The following ZNF18 variants were observed in gnomAD, a reference collection of about 807,000 sequenced individuals.
ZNF18 encodes the protein zinc finger protein 18.
A neutral mutation model predicts 58.1 loss-of-function variants in ZNF18; 42 were observed. The observed-to-expected ratio is 0.72, with a 90% confidence interval of 0.56 to 0.93. The LOEUF is 0.93. ZNF18 is among the 40% of genes least tolerant of loss of function. The pLI is 0.00. For synonymous variants in ZNF18, 231 were observed against 239.8 expected (o/e 0.96, Z 0.34); for missense variants, 540 against 644.2 (o/e 0.84, Z 1.75).
the ZNF18 span, among the ~76,000 whole-genome samples, chr17:12,019,024 G>A: frequency 3.3e-5 from 5 of 151,448 alleles, no homozygotes; most frequent in African/African-American, 4.9e-5. Context: ...GCACAATCTC[G>A]GCTCACTGCA....
chr17:11,985,608 T>C (rs899726925), intron 4 of ZNF18, among the ~76,000 whole-genome samples: 2 of 152,230 alleles, frequency 1.3e-5, no homozygotes, highest in Non-Finnish European at 2.9e-5. Flanking sequence ...TGATTAACTG[T>C]TGCCTCTACT....
chr17:11,988,147 CA>C (rs148960817), intron 4 of ZNF18, among the ~76,000 whole-genome samples: 1,551 of 152,202 alleles, frequency 0.01, 29 homozygotes, highest in African/African-American at 0.036. Flanking sequence ...CTTTTATGTA[CA>C]AGCAAAAATG....
intron 6 of ZNF18, among the ~76,000 whole-genome samples, chr17:11,980,524 G>A (rs1045217416): frequency 6.6e-6 from 1 of 151,962 alleles, no homozygotes; most frequent in Non-Finnish European, 1.5e-5. Context: ...AGGTTCAAGC[G>A]ATTCTCCTGC....
intron 1 of ZNF18, among the ~76,000 whole-genome samples, chr17:11,993,955 C>G (rs1325882142): frequency 2.0e-5 from 3 of 149,582 alleles, no homozygotes; most frequent in African/African-American, 4.9e-5. Flanking sequence ...ACAACTAAGA[C>G]AGTAGAAAGA....
intron 6 of ZNF18, among the ~76,000 whole-genome samples, chr17:11,981,530 CTTTTT>C (rs34496641): frequency 1.4e-4 from 13 of 93,466 alleles, no homozygotes; most frequent in Admixed American, 2.4e-4. Context: ...CCTATAATAG[CTTTTT>C]TTTTTTTTTT....
At chr17:12,011,489 G>A in the ZNF18 span, among the ~76,000 whole-genome samples, 3 of 151,580 alleles carry the variant, frequency 2.0e-5, no homozygotes, top group Non-Finnish European at 2.9e-5. Flanking sequence ...GGGTTCAAGC[G>A]ATTCTCTTGC....
upstream of ZNF18, among the ~76,000 whole-genome samples, chr17:12,000,048 G>A (rs1968629145): frequency 6.6e-6 from 1 of 152,146 alleles, no homozygotes; most frequent in Admixed American, 6.5e-5. Context: ...AGCCTCCTGA[G>A]TAGCTGGGAT....
At chr17:11,979,263 T>A (rs1446671834) in intron 6 of ZNF18, among the ~76,000 whole-genome samples, 3 of 152,236 alleles carry the variant, frequency 2.0e-5, no homozygotes, top group African/African-American at 7.2e-5. Flanking sequence ...TGTATGCAGG[T>A]ATATGCTATT....
chr17:11,982,079 TC>T (rs1428416039), intron 6 of ZNF18, among the ~76,000 whole-genome samples: 1 of 151,672 alleles, frequency 6.6e-6, no homozygotes, highest in Non-Finnish European at 1.5e-5. Flanking sequence ...GCCTCTCCTC[TC>T]CCCAACCCCC....
At chr17:12,001,100 T>C (rs1968648071), upstream of ZNF18, among the ~76,000 whole-genome samples, 1 of 152,132 alleles carries the variant, frequency 6.6e-6, no homozygotes, top group Non-Finnish European at 1.5e-5. Context: ...GATTTTTGAA[T>C]AACAAGGCTT....
At chr17:11,990,591 CCTTAACCA>C in intron 3 of ZNF18, 41 bp from the exon 4 acceptor site, 1 of 1,523,998 alleles carries the variant, frequency 6.6e-7, no homozygotes, top group South Asian at 1.2e-5. Context: ...TGGATGTCTT[CCTTAACCA>C]CTCCCCAGAG....
At chr17:12,002,536 T>C in the ZNF18 span, 2 of 151,658 alleles carry the variant, frequency 1.3e-5, no homozygotes, top group African/African-American at 4.9e-5. Context: ...AGATCCAGAG[T>C]GTGTAAGAGC....
At position 11,992,446 on chromosome 17, in the gene ZNF18, T is replaced by C. The variant is rs370788159; in HGVS notation, c.384A>G (p.Gln128=). ...GATCATAATACCCTCTGCTTACCCA[T>C]TGCCACAGTCTCTGGGGGTCCCCCT... ...SLKGDPQRLW[Q]WISIQVLGQD... The change falls in exon 2 of 7, where the codon CAA becomes CAG. Residue 128 remains glutamine, a synonymous_variant. Transcript: ENST00000580306. 55 of 1,613,306 alleles carry C rather than the reference T, an allele frequency of 3.4e-5. No individual in the cohort carries two copies. Among genetic ancestry groups the C allele is most frequent in the South Asian group, 5.5e-5 (5 of 91,034 alleles).
chr17:12,006,739 C>CA, the ZNF18 span, among the ~76,000 whole-genome samples: 4 of 150,146 alleles, frequency 2.7e-5, no homozygotes, highest in Non-Finnish European at 5.9e-5. Flanking sequence ...TGCCGAAGCT[C>CA]AAAAAAAAGA....
chr17:11,997,873 C>T (rs562454834), upstream of ZNF18, among the ~76,000 whole-genome samples: 63 of 152,312 alleles, frequency 4.1e-4, no homozygotes, highest in Middle Eastern at 3.4e-3. Context: ...CCGCCTTTCT[C>T]CTTTCCGTTC....
chr17:12,015,288 C>T, the ZNF18 span, among the ~76,000 whole-genome samples: 1 of 152,276 alleles, frequency 6.6e-6, no homozygotes, highest in South Asian at 2.1e-4. Flanking sequence ...TCACATAAGA[C>T]CACATTTGAT....
At chr17:11,983,889 T>C (rs1967545581) in intron 5 of ZNF18, among the ~76,000 whole-genome samples, 1 of 152,178 alleles carries the variant, frequency 6.6e-6, no homozygotes, top group African/African-American at 2.4e-5. Context: ...CTCCGTGCAA[T>C]GTACCCACAA....
upstream of ZNF18, among the ~76,000 whole-genome samples, chr17:11,999,980 G>T (rs1360233962): frequency 6.6e-6 from 1 of 152,162 alleles, no homozygotes. Context: ...CCAATGTAGT[G>T]CCAGAATCTC....
the ZNF18 span, among the ~76,000 whole-genome samples, chr17:12,003,860 T>C: frequency 2.6e-5 from 4 of 152,168 alleles, no homozygotes; most frequent in Non-Finnish European, 4.4e-5. Flanking sequence ...AGTTTGCACA[T>C]ATGTTGAACA....
Sources: allele counts gnomAD v4.1 joint callset (sites outside exome capture counted in the v4.1 genomes callset), GRCh38; gene constraint gnomAD v4.1.1; transcripts MANE v1.5; gene names NCBI Gene and HGNC (gene_info 2026-07-23, HGNC 2026-07-21).